TTLL4: variants seen among roughly 807,000 people sequenced by gnomAD.
TTLL4 encodes tubulin monoglutamylase TTLL4.
A neutral mutation model predicts 122.7 loss-of-function variants in TTLL4; 85 were observed. The ratio of observed to expected loss-of-function variants is 0.69; its 90% CI spans 0.58 to 0.83. The LOEUF is 0.83. Ranked by LOEUF, TTLL4 falls within the 40% of genes least tolerant of loss-of-function variation. The probability of loss-of-function intolerance (pLI) is 0.00; values close to 1 mark genes in which losing one functional copy is unlikely to be tolerated. For synonymous variants in TTLL4, 553 were observed against 563.0 expected (o/e 0.98, Z 0.25); for missense variants, 1,363 against 1,488.6 (o/e 0.92, Z 1.39).
Position 218,738,314 on chromosome 2 carries a change from A to T in TTLL4, c.638A>T (p.Tyr213Phe), listed in dbSNP as rs149575697. Residue 213 changes from tyrosine (Y) to phenylalanine (F), a missense_variant, in exon 3 of 20, where the codon TAT becomes TTT. By Grantham distance (22) the Tyr-to-Phe change is conservative. This residue lies in a region of TTLL4 where 760 missense variants were observed against 808.4 expected (regional missense o/e 0.94). Coordinates refer to ENST00000392102, the MANE Select transcript of TTLL4 (RefSeq NM_014640.5). ...ATCCCATCTCCACTCTCTTCCTCCT[A>T]TAAGCCCATGCTGAATAATAATTCC... ...GKIPSPLSSSYKPMLNNNSFM... is the reference protein window; with the variant it reads ...GKIPSPLSSSFKPMLNNNSFM... The T allele has an allele frequency of 6.2e-7, 1 of 1,614,078 alleles. No individual in the cohort carries two copies.
At chr2:218,732,928 G>T (rs752999284) in intron 2 of TTLL4, among the ~76,000 whole-genome samples, 1 of 152,210 alleles carries the variant, frequency 6.6e-6, no homozygotes, top group Non-Finnish European at 1.5e-5. Flanking sequence ...CTGAAACTAG[G>T]TTGGAGCATT....
intron 15 of TTLL4, 136 bp from the exon 16 acceptor site, chr2:218,751,568 T>A: frequency 7.4e-7 from 1 of 1,351,672 alleles, no homozygotes; most frequent in Non-Finnish European, 9.5e-7. Context: ...TCCAACCTAC[T>A]ACTCAAGTAA....
At chr2:218,735,700 T>C (rs1404041478) in intron 2 of TTLL4, among the ~76,000 whole-genome samples, 1 of 150,598 alleles carries the variant, frequency 6.6e-6, no homozygotes, top group African/African-American at 2.4e-5. Context: ...TGAGACAGAG[T>C]CTCACTCTGT....
downstream of TTLL4, among the ~76,000 whole-genome samples, chr2:218,756,775 G>A (rs1475931299): frequency 6.6e-6 from 1 of 152,194 alleles, no homozygotes; most frequent in Non-Finnish European, 1.5e-5. Context: ...GGAGGCGAGT[G>A]TTCTTGAGAC....
chr2:218,751,898 T>TTTC (rs1491550377), intron 16 of TTLL4, 92 bp downstream of exon 16: 2 of 651,700 alleles, frequency 3.1e-6, no homozygotes, highest in African/African-American at 2.5e-5. Flanking sequence ...TTTTTTTTTT[T>TTTC]CTTTTCTTTT....
rs1392973571 is a variant in TTLL4 at position 218,738,490 on chromosome 2, A to G, written c.814A>G (p.Lys272Glu). The G allele has an allele frequency of 1.9e-6, 3 of 1,614,052 alleles. No homozygotes were observed. Among genetic ancestry groups the G allele is most frequent in the Non-Finnish European group, 1.7e-6 (2 of 1,180,042 alleles). ...APQPVDHKVP[K>E]SIGTVPADAS... ...GCAGCCTGTTGACCATAAGGTGCCCAAAAGCATTGGCACTGTCCCAGCTGA... is the reference window on the plus strand; with the variant it reads ...GCAGCCTGTTGACCATAAGGTGCCCGAAAGCATTGGCACTGTCCCAGCTGA... The change falls in exon 3 of 20, where the codon AAA becomes GAA. Residue 272 changes from lysine to glutamate, a missense_variant. Lys to Glu is a moderately conservative substitution (Grantham distance 56). Coordinates refer to ENST00000392102, the MANE Select transcript of TTLL4 (RefSeq NM_014640.5).
Position 218,751,522 on chromosome 2 carries a change from A to T in TTLL4, c.2874-182A>T, listed in dbSNP as rs1000708056. The stretch of plus-strand genomic sequence containing the variant: ...TTTGTATCCTTTTACTTAATATTTG[A>T]TGACTCTCAGGTTACTTCTGGGGAG... On this transcript the variant is annotated intron_variant, in intron 15 of 19. Transcript: ENST00000392102. 3.0e-5 allele frequency: 22 copies of T among 738,552 alleles called. No individual in the cohort carries two copies. In the African/African-American group the frequency reaches 3.8e-4, roughly 13 times the overall value. 45.7% of individuals were successfully genotyped at this position (738,552 alleles called of 1,614,324 possible). A position where few individuals can be genotyped will look rare whatever the true frequency, so the allele number is the denominator to read the frequency against.
rs1942931248 is a variant in TTLL4, at chr2:218,748,752, A to G, written c.2502-84A>G. 10 of 1,187,522 alleles carry G rather than the reference A, an allele frequency of 8.4e-6. No homozygotes were observed. In the South Asian group the frequency reaches 9.4e-5, roughly 11 times the overall value. The allele number at this position is 1,187,522 out of a possible 1,614,324, so 73.6% of individuals were successfully genotyped here. On this transcript the variant is annotated intron_variant, in intron 12 of 19. Coordinates refer to ENST00000392102, the MANE Select transcript of TTLL4 (RefSeq NM_014640.5). Reference sequence around the variant, plus strand: ...AAGGAAGAGATATGAAGAAAATACCATTAGGTCTCTTCTTCGTTTTTCTTT... The same window carrying G: ...AAGGAAGAGATATGAAGAAAATACCGTTAGGTCTCTTCTTCGTTTTTCTTT...
intron 18 of TTLL4, 62 bp downstream of exon 18, chr2:218,753,247 G>T (rs893946574): frequency 1.3e-6 from 2 of 1,581,690 alleles, no homozygotes; most frequent in African/African-American, 1.3e-5. Flanking sequence ...TGCCTTATGA[G>T]TGCAGCAGGA....
At chr2:218,740,655 C>T in intron 5 of TTLL4, 71 bp downstream of exon 5, 2 of 1,540,624 alleles carry the variant, frequency 1.3e-6, no homozygotes, top group East Asian at 2.3e-5. Context: ...AGAGATAAAC[C>T]ACTCAAGTCA....
intron 3 of TTLL4, 81 bp from the exon 4 acceptor site, chr2:218,739,977 G>A: frequency 7.8e-7 from 1 of 1,288,634 alleles, no homozygotes; most frequent in Non-Finnish European, 1.1e-6. Flanking sequence ...GCAAATACTG[G>A]GAGATGATGA....
downstream of TTLL4, among the ~76,000 whole-genome samples, chr2:218,756,798 G>A (rs1188679140): frequency 1.3e-5 from 2 of 152,220 alleles, no homozygotes; most frequent in East Asian, 3.8e-4. Context: ...GGAATGAAGT[G>A]CAGGCTATTT....
At chr2:218,725,928 C>A (rs1202164478) in intron 1 of TTLL4, among the ~76,000 whole-genome samples, 1 of 152,150 alleles carries the variant, frequency 6.6e-6, no homozygotes, top group Non-Finnish European at 1.5e-5. Context: ...GGGCTTCATA[C>A]TAGAGTTATG....
chr2:218,717,578 C>A (rs77446527), intron 1 of TTLL4, among the ~76,000 whole-genome samples: 1,810 of 152,322 alleles, frequency 0.012, 38 homozygotes, highest in African/African-American at 0.041. Context: ...CTGTGCTCTA[C>A]AAGAGCTACC....
At chr2:218,739,536 G>A (rs1212536630) in intron 3 of TTLL4, among the ~76,000 whole-genome samples, 3 of 152,192 alleles carry the variant, frequency 2.0e-5, no homozygotes, top group Non-Finnish European at 4.4e-5. Context: ...TAAAAACCAG[G>A]AGAGAAATAA....
rs781654574 is a variant in TTLL4, at chr2:218,738,305, C to T, written c.629C>T (p.Ser210Phe). Residue 210 changes from serine to phenylalanine, a missense_variant, in exon 3 of 20, where the codon TCT becomes TTT. By Grantham distance (155) the Ser-to-Phe change is radical. Around this residue, in one of 3 missense-constraint regions of TTLL4, gnomAD observed 760 missense variants for 808.4 expected, o/e 0.94. Transcript: ENST00000392102. ...AISGKIPSPL[S>F]SSYKPMLNNN... ...TCAGGGAAGATCCCATCTCCACTCT[C>T]TTCCTCCTATAAGCCCATGCTGAAT... 3.1e-6 allele frequency: 5 copies of T among 1,614,078 alleles called. No individual in the cohort carries two copies. The East Asian group carries it at 8.9e-5, about 29-fold the overall frequency.
At chr2:218,711,527 CTTCA>C (rs1379104048) in intron 1 of TTLL4, among the ~76,000 whole-genome samples, 1 of 152,174 alleles carries the variant, frequency 6.6e-6, no homozygotes, top group Non-Finnish European at 1.5e-5. Context: ...GAATTTAATT[CTTCA>C]TTCATCAATT....
rs1575182567 is a variant in TTLL4 at position 218,749,457 on chromosome 2, G to A, written c.2735+70G>A. 4.6e-6 allele frequency: 7 copies of A among 1,517,336 alleles called. No individual in the cohort carries two copies. The South Asian group carries it at 7.4e-5, about 16-fold the overall frequency. The allele number at this position is 1,517,336 out of a possible 1,614,324, so 94.0% of individuals were successfully genotyped here. On this transcript the variant is annotated intron_variant, in intron 14 of 19. Coordinates refer to ENST00000392102, the MANE Select transcript of TTLL4 (RefSeq NM_014640.5). ...TTCTCACGCTCCCATTGCCACTCCA[G>A]TAAGTTGTTCTTTTTTTTTTTTTTT...
intron 2 of TTLL4, among the ~76,000 whole-genome samples, chr2:218,732,313 C>T (rs987556626): frequency 2.6e-5 from 4 of 152,158 alleles, no homozygotes; most frequent in African/African-American, 9.7e-5. Context: ...AATACCTTTT[C>T]TCCTGTTGTC....
Sources: gnomAD v4.1 joint callset for allele counts (sites outside exome capture counted in the v4.1 genomes callset) on GRCh38, gnomAD v4.1.1 for gene constraint, gnomAD v4.1.1 regional missense constraint, MANE v1.5 for transcripts, NCBI Gene and HGNC (gene_info 2026-07-23, HGNC 2026-07-21) for gene names.